Variants in SSBP2 observed in about 807,000 individuals in gnomAD.
SSBP2 encodes single-stranded DNA-binding protein 2.
A neutral mutation model predicts 61.8 loss-of-function variants in SSBP2; 17 were observed. That is an observed-to-expected ratio of 0.28 (90% CI 0.19 to 0.41). The LOEUF is 0.41. Ranked by LOEUF, SSBP2 falls within the 10% of genes least tolerant of loss-of-function variation. SSBP2 has a pLI of 1.00. For synonymous variants in SSBP2, 139 were observed against 141.3 expected (o/e 0.98, Z 0.12); for missense variants, 310 against 458.7 (o/e 0.68, Z 2.96).
At chr5:81,716,880 T>C (rs1755203448) in intron 1 of SSBP2, among the ~76,000 whole-genome samples, 1 of 152,182 alleles carries the variant, frequency 6.6e-6, no homozygotes, top group Non-Finnish European at 1.5e-5. Context: ...ATCAAGTATG[T>C]GTGTATCGCT....
intron 4 of SSBP2, among the ~76,000 whole-genome samples, chr5:81,554,375 TAGTTAGTGGA>T (rs1237357431): frequency 6.6e-6 from 1 of 151,676 alleles, no homozygotes; most frequent in Non-Finnish European, 1.5e-5. Flanking sequence ...ATGGTCATAC[TAGTTAGTGGA>T]ATGGCTGAAT....
intron 1 of SSBP2, among the ~76,000 whole-genome samples, chr5:81,693,069 G>C (rs1753328253): frequency 6.6e-6 from 1 of 151,930 alleles, no homozygotes; most frequent in Admixed American, 6.6e-5. Context: ...TCCAGACATG[G>C]TGGCACGCGC....
At chr5:81,670,905 C>T (rs1191184448) in intron 1 of SSBP2, among the ~76,000 whole-genome samples, 1 of 152,160 alleles carries the variant, frequency 6.6e-6, no homozygotes, top group Non-Finnish European at 1.5e-5. Flanking sequence ...CTTCATCAGT[C>T]ATATTTAAGT....
At chr5:81,666,835 C>T (rs980077320) in intron 1 of SSBP2, among the ~76,000 whole-genome samples, 1 of 152,124 alleles carries the variant, frequency 6.6e-6, no homozygotes, top group Non-Finnish European at 1.5e-5. Context: ...TCTGTGTTAT[C>T]CTCACAGAGA....
upstream of SSBP2, chr5:81,751,247 C>T (rs763089061): frequency 4.2e-5 from 25 of 595,748 alleles, no homozygotes; most frequent in Non-Finnish European, 9.0e-6. Context: ...GCGGTGGCGG[C>T]TAAGCCTCAG....
chr5:81,437,579 T>C (rs1762752267), intron 14 of SSBP2, 121 bp from the exon 15 acceptor site: 1 of 842,532 alleles, frequency 1.2e-6, no homozygotes, highest in East Asian at 2.8e-5. Flanking sequence ...AGCTCCTGAG[T>C]TTTTAAATCT....
chr5:81,710,689 T>TAAGA (rs1754715245), intron 1 of SSBP2: 1 of 453,996 alleles, frequency 2.2e-6, no homozygotes, highest in Non-Finnish European at 4.4e-6. Flanking sequence ...TCCAATATAA[T>TAAGA]ACGAATGAAT....
chr5:81,563,500 T>C (rs1218876641), intron 4 of SSBP2, among the ~76,000 whole-genome samples: 1 of 152,106 alleles, frequency 6.6e-6, no homozygotes, highest in African/African-American at 2.4e-5. Context: ...TGAAACTTCA[T>C]CAAAAGTAAA....
At chr5:81,491,132 T>A (rs1018743198) in intron 5 of SSBP2, among the ~76,000 whole-genome samples, 2 of 152,206 alleles carry the variant, frequency 1.3e-5, no homozygotes, top group African/African-American at 4.8e-5. Flanking sequence ...TGGACTAATT[T>A]AAAAAATTTA....
At chr5:81,503,585 G>C (rs1369335029) in intron 5 of SSBP2, among the ~76,000 whole-genome samples, 4 of 152,196 alleles carry the variant, frequency 2.6e-5, no homozygotes, top group African/African-American at 9.6e-5. Context: ...ATTCCTCAAA[G>C]AGCTAAAAAC....
chr5:81,592,369 C>T (rs972055845), intron 4 of SSBP2, among the ~76,000 whole-genome samples: 1 of 152,222 alleles, frequency 6.6e-6, no homozygotes, highest in Non-Finnish European at 1.5e-5. Context: ...GAGCCCACCA[C>T]AGCTCAAGGA....
chr5:81,679,530 G>A (rs1267226964), intron 1 of SSBP2, among the ~76,000 whole-genome samples: 1 of 152,102 alleles, frequency 6.6e-6, no homozygotes, highest in Non-Finnish European at 1.5e-5. Context: ...GTGAATTTGG[G>A]TTAGTTATAA....
chr5:81,728,913 A>G (rs1248846218), intron 1 of SSBP2, among the ~76,000 whole-genome samples: 1 of 150,298 alleles, frequency 6.7e-6, no homozygotes, highest in Non-Finnish European at 1.5e-5. Flanking sequence ...TTTAATAGAG[A>G]ATGAAGTTTA....
At chr5:81,490,528 C>G (rs944473977) in intron 5 of SSBP2, among the ~76,000 whole-genome samples, 16 of 151,992 alleles carry the variant, frequency 1.1e-4, no homozygotes, top group African/African-American at 3.6e-4. Context: ...AAGTAATATA[C>G]AGCAAGTAGA....
At chr5:81,571,001 T>C (rs979478923) in intron 4 of SSBP2, among the ~76,000 whole-genome samples, 7 of 152,220 alleles carry the variant, frequency 4.6e-5, no homozygotes, top group African/African-American at 1.2e-4. Context: ...CTCTTCTCCA[T>C]GGCAAATAAG....
At chr5:81,717,347 C>A (rs1157861684) in intron 1 of SSBP2, among the ~76,000 whole-genome samples, 4 of 152,164 alleles carry the variant, frequency 2.6e-5, no homozygotes, top group Non-Finnish European at 5.9e-5. Flanking sequence ...TCTATCACCC[C>A]CATAAAACTT....
chr5:81,737,800 A>AC (rs1370960393), intron 1 of SSBP2, among the ~76,000 whole-genome samples: 15 of 151,332 alleles, frequency 9.9e-5, no homozygotes, highest in Non-Finnish European at 8.8e-5. Flanking sequence ...AAAAAAAAAA[A>AC]AAACAAAAAA....
At chr5:81,677,064 GTTTAC>G (rs1752039802) in intron 1 of SSBP2, among the ~76,000 whole-genome samples, 1 of 152,074 alleles carries the variant, frequency 6.6e-6, no homozygotes, top group Non-Finnish European at 1.5e-5. Flanking sequence ...TGTTTCTCAA[GTTTAC>G]TTTAGTCTCA....
intron 1 of SSBP2, among the ~76,000 whole-genome samples, chr5:81,716,545 T>A (rs1009989004): frequency 1.3e-5 from 2 of 152,238 alleles, no homozygotes; most frequent in Non-Finnish European, 2.9e-5. Flanking sequence ...CACACATACT[T>A]GTGTATATAA....
Sources: gnomAD v4.1 joint callset for allele counts (sites outside exome capture counted in the v4.1 genomes callset) on GRCh38, gnomAD v4.1.1 for gene constraint, MANE v1.5 for transcripts, NCBI Gene and HGNC (gene_info 2026-07-23, HGNC 2026-07-21) for gene names.